The following ZFAND3 variants were observed in gnomAD, a reference collection of about 807,000 sequenced individuals.
ZFAND3 encodes zinc finger AN1-type containing 3.
In ZFAND3, 10 loss-of-function variants were observed where a neutral mutation model predicts 29.6. The ratio of observed to expected loss-of-function variants is 0.34; its 90% CI spans 0.21 to 0.57. The LOEUF (loss-of-function observed/expected upper bound fraction) is 0.57, where lower values mean the gene tolerates loss of function less well. Among genes scored for constraint, ZFAND3 ranks in the 20% least tolerant of loss-of-function variants. ZFAND3 has a pLI of 0.86. For synonymous variants in ZFAND3, 128 were observed against 112.6 expected (o/e 1.14, Z -0.87); for missense variants, 230 against 304.5 (o/e 0.76, Z 1.82).
intron 5 of ZFAND3, among the ~76,000 whole-genome samples, chr6:38,119,234 C>T (rs1222216520): frequency 6.6e-6 from 1 of 152,132 alleles, no homozygotes; most frequent in Non-Finnish European, 1.5e-5. Flanking sequence ...CTCCTGCCTG[C>T]TTGGATCTCT....
chr6:38,070,449 T>C (rs1292385440), intron 3 of ZFAND3, among the ~76,000 whole-genome samples: 2 of 151,830 alleles, frequency 1.3e-5, no homozygotes, highest in African/African-American at 2.4e-5. Context: ...TTTATATAAA[T>C]GACAGCATAC....
At chr6:37,843,560 C>T (rs1192736173) in intron 1 of ZFAND3, among the ~76,000 whole-genome samples, 1 of 151,802 alleles carries the variant, frequency 6.6e-6, no homozygotes, top group African/African-American at 2.4e-5. Context: ...TTCTGTTTCT[C>T]TGAAGCTGAA....
chr6:37,870,290 C>G (rs1368915799), intron 1 of ZFAND3, among the ~76,000 whole-genome samples: 16 of 26,972 alleles, frequency 5.9e-4, no homozygotes, highest in African/African-American at 2.1e-3. Flanking sequence ...GCGAGACTGT[C>G]TCAAAAAAAA....
chr6:38,095,724 A>G (rs946047261), intron 4 of ZFAND3, among the ~76,000 whole-genome samples: 8 of 152,174 alleles, frequency 5.3e-5, no homozygotes, highest in African/African-American at 1.7e-4. Context: ...TTGAGTAACA[A>G]TTCTCGGATG....
intron 1 of ZFAND3, among the ~76,000 whole-genome samples, chr6:37,895,409 A>G (rs1166859200): frequency 1.4e-5 from 2 of 146,432 alleles, no homozygotes; most frequent in African/African-American, 2.5e-5. Flanking sequence ...ATCTCCGCTC[A>G]CTGCAACTTC....
At chr6:37,869,346 A>T (rs1301726583) in intron 1 of ZFAND3, among the ~76,000 whole-genome samples, 2 of 151,728 alleles carry the variant, frequency 1.3e-5, no homozygotes, top group Non-Finnish European at 2.9e-5. Context: ...TTTAGTAGAG[A>T]TGGGGTTTCA....
chr6:38,137,127 TC>T (rs1765856770), intron 5 of ZFAND3, among the ~76,000 whole-genome samples: 1 of 152,208 alleles, frequency 6.6e-6, no homozygotes. Flanking sequence ...AAGCTTCAGT[TC>T]CAGGAGAGTA....
intron 2 of ZFAND3, among the ~76,000 whole-genome samples, chr6:37,935,237 A>G (rs1405513071): frequency 6.6e-6 from 1 of 152,192 alleles, no homozygotes; most frequent in African/African-American, 2.4e-5. Context: ...ACCCTGGGAC[A>G]TGAGTTATCA....
At chr6:37,936,614 A>G (rs1354956088) in intron 2 of ZFAND3, among the ~76,000 whole-genome samples, 1 of 152,260 alleles carries the variant, frequency 6.6e-6, no homozygotes. Flanking sequence ...CATATGATGT[A>G]CAAGTGTATA....
chr6:37,864,738 TACACACACACAC>T (rs70977698), intron 1 of ZFAND3, among the ~76,000 whole-genome samples: 111 of 148,984 alleles, frequency 7.5e-4, no homozygotes, highest in African/African-American at 2.1e-3. Context: ...TATGTGGTTA[TACACACACACAC>T]ACACACACAC....
chr6:37,868,163 A>G (rs564166343), intron 1 of ZFAND3, among the ~76,000 whole-genome samples: 4 of 152,180 alleles, frequency 2.6e-5, no homozygotes, highest in African/African-American at 9.6e-5. Context: ...CATGTGTCAA[A>G]TGCTTTTACT....
intron 2 of ZFAND3, among the ~76,000 whole-genome samples, chr6:37,955,741 C>T (rs1017164005): frequency 2.0e-5 from 3 of 152,190 alleles, no homozygotes; most frequent in African/African-American, 7.2e-5. Context: ...TAGCCTCTTC[C>T]TGGCTCTGCC....
chr6:37,834,323 CATGGCTTGCT>C (rs1763923263), intron 1 of ZFAND3, among the ~76,000 whole-genome samples: 1 of 152,160 alleles, frequency 6.6e-6, no homozygotes, highest in South Asian at 2.1e-4. Context: ...CATGTCTTTT[CATGGCTTGCT>C]AGCTCATTTT....
At chr6:38,049,367 A>G (rs886366227) in intron 2 of ZFAND3, among the ~76,000 whole-genome samples, 3 of 152,210 alleles carry the variant, frequency 2.0e-5, no homozygotes, top group African/African-American at 7.2e-5. Context: ...GATCTGCAAA[A>G]TAACTTTATT....
At chr6:37,941,090 T>C (rs1164325365) in intron 2 of ZFAND3, among the ~76,000 whole-genome samples, 1 of 152,232 alleles carries the variant, frequency 6.6e-6, no homozygotes, top group East Asian at 1.9e-4. Context: ...GTTGGTGATT[T>C]TATAGCTCCA....
intron 2 of ZFAND3, among the ~76,000 whole-genome samples, chr6:38,031,088 A>T (rs941877345): frequency 1.3e-5 from 2 of 152,198 alleles, no homozygotes; most frequent in African/African-American, 2.4e-5. Context: ...ACCTTTCTTA[A>T]GGTTACGTAG....
chr6:38,082,006 AAG>A (rs1764672476), intron 3 of ZFAND3, among the ~76,000 whole-genome samples: 1 of 152,116 alleles, frequency 6.6e-6, no homozygotes, highest in South Asian at 2.1e-4. Context: ...AAACCAACCT[AAG>A]AGAGAGTACT....
At chr6:38,024,501 C>A (rs891608870) in intron 2 of ZFAND3, among the ~76,000 whole-genome samples, 16 of 150,512 alleles carry the variant, frequency 1.1e-4, no homozygotes, top group Non-Finnish European at 1.8e-4. Context: ...CCTAAACGTG[C>A]ATGTTTGTTG....
chr6:38,060,315 T>C (rs1025494029), intron 2 of ZFAND3, among the ~76,000 whole-genome samples: 10 of 152,190 alleles, frequency 6.6e-5, no homozygotes, highest in African/African-American at 2.4e-4. Flanking sequence ...TGACTTAAAG[T>C]GTACATATTC....
Sources: gnomAD v4.1 joint callset for allele counts (sites outside exome capture counted in the v4.1 genomes callset) on GRCh38, gnomAD v4.1.1 for gene constraint, MANE v1.5 for transcripts, NCBI Gene and HGNC (gene_info 2026-07-23, HGNC 2026-07-21) for gene names.